SMC4: variants seen among roughly 807,000 people sequenced by gnomAD.
SMC4 encodes the protein structural maintenance of chromosomes 4, also known as structural maintenance of chromosomes protein 4.
In SMC4, 87 loss-of-function variants were observed where a neutral mutation model predicts 145.6. The ratio of observed to expected loss-of-function variants is 0.60; its 90% CI spans 0.50 to 0.71. The LOEUF is 0.71. SMC4 is among the 30% of genes least tolerant of loss of function. SMC4 has a pLI of 0.00. For synonymous variants in SMC4, 558 were observed against 500.7 expected, an observed-to-expected ratio of 1.11 and a Z score of -1.53; for missense variants, 1,447 against 1,537.1, an observed-to-expected ratio of 0.94 and a Z score of 0.98.
At position 160,434,538 on chromosome 3, in the gene SMC4, AGTTTCAACTTATGATAG is replaced by A. The variant is rs1166605738; in HGVS notation, c.*734_*750del. The A allele has an allele frequency of 1.3e-5, 2 of 152,226 alleles. No homozygotes were observed. Among genetic ancestry groups the A allele is most frequent in the African/African-American group, 2.4e-5 (1 of 41,466 alleles). 9.4% of individuals were successfully genotyped at this position (152,226 alleles called of 1,614,324 possible). On this transcript the variant is annotated 3_prime_UTR_variant, in exon 24 of 24. Coordinates refer to ENST00000357388, the MANE Select transcript of SMC4 (RefSeq NM_001002800.3). The stretch of plus-strand genomic sequence containing the variant: ...GGTACTAAATGCATTTCAACTTGAT[AGTTTCAACTTATGATAG>A]GTTTACCAGGATGTAGTCCCACTGT...
In SMC4 at chr3:160,431,780, T is replaced by C. The variant is rs747923887; in HGVS notation, c.3252T>C (p.His1084=). ...NQIALLEARC[H]EMKPNLGAIA... is the part of the protein sequence containing the mutation. Reference sequence around the variant, plus strand: ...TTGCACTTTTGGAAGCCCGGTGTCATGAAATGAAACCAAACCTCGGTGCCA... The same window carrying C: ...TTGCACTTTTGGAAGCCCGGTGTCACGAAATGAAACCAAACCTCGGTGCCA... Residue 1084 remains histidine, a synonymous_variant, in exon 21 of 24, where the codon CAT becomes CAC. Coordinates refer to ENST00000357388, the MANE Select transcript of SMC4 (RefSeq NM_001002800.3). The C allele has an allele frequency of 3.1e-6, 5 of 1,613,752 alleles. No homozygotes were observed. In the South Asian group the frequency reaches 5.5e-5, roughly 18 times the overall value.
intron 22 of SMC4, 135 bp from the exon 23 acceptor site, chr3:160,432,891 A>G (rs941832722): frequency 1.6e-6 from 1 of 640,444 alleles, no homozygotes; most frequent in African/African-American, 1.8e-5. Flanking sequence ...ATAACAGAAA[A>G]GAGAATTCAT....
chr3:160,411,972 A>T lies in SMC4; in HGVS notation c.740A>T (p.Asp247Val). 6.2e-7 allele frequency: 1 copy of T among 1,613,652 alleles called. No individual in the cohort carries two copies. Among genetic ancestry groups the T allele is most frequent in the South Asian group, 1.1e-5 (1 of 91,068 alleles). ...MMKPKGQTEHDEGMLEYLEDI... is the reference protein window; with the variant it reads ...MMKPKGQTEHVEGMLEYLEDI... ...AAACCAAAAGGCCAGACTGAACACG[A>T]TGAGGGTATGCTTGAATATTTAGAA... The change falls in exon 6 of 24, where the codon GAT becomes GTT. Residue 247 changes from aspartate to valine, a missense_variant. Physicochemically the swap from Asp to Val is radical, Grantham distance 152 (BLOSUM62 -3). Coordinates refer to ENST00000357388, the MANE Select transcript of SMC4 (RefSeq NM_001002800.3).
rs1340294094 is a variant in SMC4 at position 160,412,044 on chromosome 3, G to A, written c.812G>A (p.Cys271Tyr). 1 of 1,613,520 alleles carries A rather than the reference G, an allele frequency of 6.2e-7. No individual in the cohort carries two copies. The highest frequency in any genetic ancestry group is 8.5e-7 in the Non-Finnish European group (1 of 1,179,712). ...GRLNEPIKVL[C>Y]RRVEILNEHR... The stretch of plus-strand genomic sequence containing the variant: ...CTAAATGAACCTATTAAAGTCTTGT[G>A]TCGGAGAGTTGAAATATTAAATGAA... The change falls in exon 6 of 24, where the codon TGT becomes TAT. Residue 271 changes from cysteine to tyrosine, a missense_variant. Coordinates refer to ENST00000357388, the MANE Select transcript of SMC4 (RefSeq NM_001002800.3).
At position 160,426,977 on chromosome 3, in the gene SMC4, G is replaced by T. The variant is rs143063830; in HGVS notation, c.2605+777G>T. Among the ~76,000 whole-genome samples, 464 of 152,258 alleles carry T rather than the reference G, an allele frequency of 3.0e-3. 1 individual carries two copies. Among genetic ancestry groups the T allele is most frequent in the Non-Finnish European group, 5.5e-3 (375 of 68,028 alleles). On this transcript the variant is annotated intron_variant, in intron 17 of 23. Coordinates refer to ENST00000357388, the MANE Select transcript of SMC4 (RefSeq NM_001002800.3). ...ACAAATACTGATTAACCATCCCAAA[G>T]AACTAATGAGAGTGGAGTTGGAGCG...
chr3:160,432,472 C>CT lies in SMC4; in HGVS notation c.3489dup (p.Val1164CysfsTer9). The stretch of plus-strand genomic sequence containing the variant: ...TTTGGGAGGGGACGCCGAACTCGAG[C>CT]TTGTAGACAGCTTGGATCCTTTCTC... On this transcript the variant is annotated frameshift_variant, in exon 22 of 24. Coordinates refer to ENST00000357388, the MANE Select transcript of SMC4 (RefSeq NM_001002800.3). LOFTEE classifies it high-confidence loss of function. 6.2e-7 allele frequency: 1 copy of CT among 1,612,040 alleles called. No individual in the cohort carries two copies. The highest frequency in any genetic ancestry group is 8.5e-7 in the Non-Finnish European group (1 of 1,179,152).
rs757659690 is a variant in SMC4 at position 160,425,024 on chromosome 3, G to A, written c.2478+5G>A. On this transcript the variant is annotated splice_donor_5th_base_variant and intron_variant, in intron 16 of 23. Transcript: ENST00000357388. Reference sequence around the variant, plus strand: ...AAATTTACTGCAAGCATCCAGGTATGTGTGTGTGTGTGTGTGTGTGTGTGT... The same window carrying A: ...AAATTTACTGCAAGCATCCAGGTATATGTGTGTGTGTGTGTGTGTGTGTGT... 81 of 627,804 alleles carry A rather than the reference G, an allele frequency of 1.3e-4. No individual in the cohort carries two copies. Among genetic ancestry groups the A allele is most frequent in the Non-Finnish European group, 1.6e-4 (70 of 447,202 alleles). The allele number at this position is 627,804 out of a possible 1,614,324, so 38.9% of individuals were successfully genotyped here. A position where few individuals can be genotyped will look rare whatever the true frequency, so the allele number is the denominator to read the frequency against.
intron 2 of SMC4, among the ~76,000 whole-genome samples, chr3:160,401,263 C>T (rs78478723): frequency 2.0e-5 from 3 of 151,876 alleles, no homozygotes; most frequent in Admixed American, 6.6e-5. Flanking sequence ...TTATTGTATT[C>T]CCGCTAAAAT....
At chr3:160,412,544 T>C in intron 7 of SMC4, 91 bp downstream of exon 7, 1 of 1,429,160 alleles carries the variant, frequency 7.0e-7, no homozygotes, top group Non-Finnish European at 9.2e-7. Flanking sequence ...ACATGAAGAC[T>C]GAAGTGAAAA....
intron 16 of SMC4, 26 bp from the exon 17 acceptor site, chr3:160,426,048 C>T (rs2108495344): frequency 3.9e-6 from 6 of 1,534,678 alleles, no homozygotes; most frequent in Non-Finnish European, 5.3e-6. Flanking sequence ...AAAATATTGA[C>T]CTTAAATGTT....
chr3:160,417,608 A>G (rs1576966276), intron 10 of SMC4, 115 bp from the exon 11 acceptor site: 14 of 833,844 alleles, frequency 1.7e-5, no homozygotes, highest in South Asian at 3.2e-5. Context: ...TTATTTCTAT[A>G]TACTGTGCTT....
intron 4 of SMC4, among the ~76,000 whole-genome samples, chr3:160,403,789 A>AT (rs995260384): frequency 6.6e-6 from 1 of 152,066 alleles, no homozygotes; most frequent in Non-Finnish European, 1.5e-5. Context: ...TTTGCAATTG[A>AT]TTTTTTTAAA....
chr3:160,429,779 C>T (rs777186557), intron 18 of SMC4, among the ~76,000 whole-genome samples: 11 of 149,766 alleles, frequency 7.3e-5, no homozygotes, highest in East Asian at 2.0e-4. Flanking sequence ...TACAGTGGCG[C>T]GATCTCGGCT....
chr3:160,424,234 T>G (rs1717520833), intron 15 of SMC4, among the ~76,000 whole-genome samples: 1 of 152,202 alleles, frequency 6.6e-6, no homozygotes, highest in Non-Finnish European at 1.5e-5. Flanking sequence ...TCAGAGTATT[T>G]TAAACTTTTT....
chr3:160,414,654 AT>A, intron 9 of SMC4, 137 bp downstream of exon 9: 1 of 907,376 alleles, frequency 1.1e-6, no homozygotes, highest in Non-Finnish European at 1.7e-6. Flanking sequence ...TCTGAACATG[AT>A]TTTACCCCCT....
At chr3:160,407,663 A>G (rs1014475494) in intron 5 of SMC4, among the ~76,000 whole-genome samples, 1 of 151,292 alleles carries the variant, frequency 6.6e-6, no homozygotes, top group African/African-American at 2.4e-5. Context: ...TTTCCAATGT[A>G]CTTCTCTTAA....
Position 160,430,663 on chromosome 3 carries a change from G to C in SMC4, c.2860G>C (p.Glu954Gln), listed in dbSNP as rs1449467785. 2 of 1,613,626 alleles carry C rather than the reference G, an allele frequency of 1.2e-6. No homozygotes were observed. The highest frequency in any genetic ancestry group is 1.3e-5 in the African/African-American group (1 of 74,898). Residue 954 changes from glutamate (E) to glutamine (Q), a missense_variant, in exon 19 of 24, where the codon GAG (glutamate) becomes CAG (glutamine). Glu to Gln is a conservative substitution (Grantham distance 29). Transcript: ENST00000357388. ...TEKEIKDTEK[E>Q]VDDLTAELKS... is the part of the protein sequence containing the mutation. ...GAAAGAAATAAAAGATACTGAGAAA[G>C]AGGTGGATGACCTAACAGCAGAGCT... is the stretch of plus-strand genomic sequence containing the variant.
chr3:160,402,396 T>G (rs191013886), intron 3 of SMC4, among the ~76,000 whole-genome samples: 1 of 152,286 alleles, frequency 6.6e-6, no homozygotes, highest in East Asian at 1.9e-4. Flanking sequence ...TTTTTTTTTC[T>G]TAAAGCCTTC....
chr3:160,413,171 A>G (rs141827241), intron 7 of SMC4, among the ~76,000 whole-genome samples: 66 of 151,316 alleles, frequency 4.4e-4, no homozygotes, highest in African/African-American at 1.5e-3. Flanking sequence ...TTTGGTAGAG[A>G]TGGGGTTTCG....
Sources: allele counts gnomAD v4.1 joint callset (sites outside exome capture counted in the v4.1 genomes callset), GRCh38; gene constraint gnomAD v4.1.1; transcripts MANE v1.5; gene names NCBI Gene and HGNC (gene_info 2026-07-23, HGNC 2026-07-21).